ACBD7: variants seen among roughly 807,000 people sequenced by gnomAD.
The protein encoded by ACBD7 is acyl-CoA binding domain containing 7.
A neutral mutation model predicts 13.7 loss-of-function variants in ACBD7; 11 were observed. That is an observed-to-expected ratio of 0.80 (90% CI 0.50 to 1.33). ACBD7 has a LOEUF of 1.33. ACBD7 is among the 40% of genes most tolerant of loss of function. The probability of loss-of-function intolerance (pLI) is 0.00; values close to 1 mark genes in which losing one functional copy is unlikely to be tolerated. For synonymous variants in ACBD7, 43 were observed against 37.7 expected, an observed-to-expected ratio of 1.14 and a Z score of -0.51; for missense variants, 111 against 103.0, an observed-to-expected ratio of 1.08 and a Z score of -0.33.
At chr10:15,079,265 C>CT (rs1267542269) in intron 1 of ACBD7, among the ~76,000 whole-genome samples, 14 of 116,644 alleles carry the variant, frequency 1.2e-4, no homozygotes, top group Non-Finnish European at 2.4e-4. Flanking sequence ...TTCGGTTTAA[C>CT]TTCTTTTTTT....
chr10:15,076,114 T>C lies in ACBD7; in HGVS notation c.*2416A>G. 2.0e-6 allele frequency: 2 copies of C among 985,366 alleles called. No individual in the cohort carries two copies. Among genetic ancestry groups the C allele is most frequent in the Non-Finnish European group, 2.4e-6 (2 of 829,856 alleles). 61.0% of individuals were successfully genotyped at this position (985,366 alleles called of 1,614,324 possible). On this transcript the variant is annotated 3_prime_UTR_variant, in exon 4 of 4. Transcript: ENST00000356189. Reference sequence around the variant, plus strand: ...CTAGCAGACCTAGATAGTTTTGTTGTTGTAGTAACATGAAGTGGATCTATT... The same window carrying C: ...CTAGCAGACCTAGATAGTTTTGTTGCTGTAGTAACATGAAGTGGATCTATT...
At chr10:15,086,005 T>C (rs1259783540) in intron 1 of ACBD7, among the ~76,000 whole-genome samples, 1 of 152,170 alleles carries the variant, frequency 6.6e-6, no homozygotes, top group Non-Finnish European at 1.5e-5. Context: ...TTATTAGTTG[T>C]CATTTTTAAA....
At chr10:15,080,836 A>G (rs1417042755) in intron 1 of ACBD7, among the ~76,000 whole-genome samples, 1 of 152,142 alleles carries the variant, frequency 6.6e-6, no homozygotes, top group Non-Finnish European at 1.5e-5. Flanking sequence ...AGATTTTTAA[A>G]CTAAACTGTG....
intron 1 of ACBD7, 200 bp downstream of exon 1, chr10:15,088,517 G>C (rs4604779): frequency 7.7e-5 from 55 of 714,716 alleles, no homozygotes; most frequent in Non-Finnish European, 1.0e-4. Flanking sequence ...GGTCCGGAAG[G>C]GTTGCCCTGG....
intron 1 of ACBD7, among the ~76,000 whole-genome samples, chr10:15,084,901 C>T (rs11259470): frequency 0.14 from 21,807 of 152,134 alleles, 1,746 homozygotes; most frequent in East Asian, 0.32. Flanking sequence ...GAGTAGCCTC[C>T]GGTCCTTTTA....
rs960305626 is a variant in ACBD7 at position 15,075,888 on chromosome 10, T to G, written c.*2642A>C. Among the ~76,000 whole-genome samples, 20 of 149,226 alleles carry G rather than the reference T, an allele frequency of 1.3e-4. No individual in the cohort carries two copies. The highest frequency in any genetic ancestry group is 4.7e-4 in the African/African-American group (19 of 40,386). On this transcript the variant is annotated 3_prime_UTR_variant, in exon 4 of 4. Coordinates refer to ENST00000356189, the MANE Select transcript of ACBD7 (RefSeq NM_001039844.3). Reference sequence around the variant, plus strand: ...ACTCTGGAGGCTGAGATGGGAGGATTGCTTGACCCTGGGAGGCAGAGGTTG... The same window carrying G: ...ACTCTGGAGGCTGAGATGGGAGGATGGCTTGACCCTGGGAGGCAGAGGTTG...
rs917653001 is a variant in ACBD7 at position 15,077,808 on chromosome 10, G to A, written c.*722C>T. 9 of 151,988 alleles carry A rather than the reference G, an allele frequency of 5.9e-5. No individual in the cohort carries two copies. Among genetic ancestry groups the A allele is most frequent in the African/African-American group, 2.2e-4 (9 of 41,294 alleles). The allele number at this position is 151,988 out of a possible 1,614,324, so 9.4% of individuals were successfully genotyped here. On this transcript the variant is annotated 3_prime_UTR_variant, in exon 4 of 4. Transcript: ENST00000356189. ...GAATCACTTGAACCCAGGAGGCGGA[G>A]GTTGCAGTGAACCGAGATCACACGA...
chr10:15,078,814 A>G, intron 2 of ACBD7, 61 bp from the exon 3 acceptor site: 3 of 1,547,658 alleles, frequency 1.9e-6, no homozygotes, highest in East Asian at 2.3e-5. Flanking sequence ...TTCTATAGAC[A>G]TTGTTCAAAC....
Position 15,078,721 on chromosome 10 carries a change from C to G in ACBD7, c.163G>C (p.Ala55Pro), listed in dbSNP as rs771187147. 6.2e-7 allele frequency: 1 copy of G among 1,613,976 alleles called. No individual in the cohort carries two copies. The highest frequency in any genetic ancestry group is 1.7e-5 in the Admixed American group (1 of 59,982). ...CPGMLDLKGKAKWEAWNLKKG... is the reference protein window; with the variant it reads ...CPGMLDLKGKPKWEAWNLKKG... ...TTGAGGTTCCATGCTTCCCATTTGG[C>G]TTTGCCTTTTAAATCTAGCATTCCT... Residue 55 changes from alanine (A) to proline (P), a missense_variant, in exon 3 of 4, where the codon GCC (alanine) becomes CCC (proline). Ala to Pro is a conservative substitution (Grantham distance 27). Coordinates refer to ENST00000356189, the MANE Select transcript of ACBD7 (RefSeq NM_001039844.3).
At chr10:15,078,867 CAATT>C (rs1479177918) in intron 2 of ACBD7, 52 bp downstream of exon 2, 9 of 1,208,548 alleles carry the variant, frequency 7.4e-6, no homozygotes, top group African/African-American at 4.7e-5. Flanking sequence ...ATTATAATCG[CAATT>C]AATATATTAA....
chr10:15,076,853 T>G lies in ACBD7; in HGVS notation c.*1677A>C. ...TTTTATTTCACCAGTAACATTAACTTATTGTAACAGAACAGATGAGCCAAA... is the reference window on the plus strand; with the variant it reads ...TTTTATTTCACCAGTAACATTAACTGATTGTAACAGAACAGATGAGCCAAA... On this transcript the variant is annotated 3_prime_UTR_variant, in exon 4 of 4. Coordinates refer to ENST00000356189, the MANE Select transcript of ACBD7 (RefSeq NM_001039844.3). 1.0e-6 allele frequency: 1 copy of G among 985,420 alleles called. No individual in the cohort carries two copies. The highest frequency in any genetic ancestry group is 1.2e-6 in the Non-Finnish European group (1 of 829,938). 61.0% of individuals were successfully genotyped at this position (985,420 alleles called of 1,614,324 possible). A position where few individuals can be genotyped will look rare whatever the true frequency, so the allele number is the denominator to read the frequency against.
intron 1 of ACBD7, among the ~76,000 whole-genome samples, chr10:15,087,453 C>T (rs141511566): frequency 2.0e-3 from 305 of 152,220 alleles, no homozygotes; most frequent in Non-Finnish European, 2.7e-3. Flanking sequence ...AAGTGAGCCA[C>T]GTTCTATGAA....
intron 1 of ACBD7, among the ~76,000 whole-genome samples, chr10:15,083,148 CT>C (rs763637147): frequency 3.9e-5 from 6 of 152,240 alleles, no homozygotes; most frequent in Non-Finnish European, 8.8e-5. Flanking sequence ...GGTCCCCGCT[CT>C]TTCTCCCTCC....
Position 15,083,778 on chromosome 10 carries a change from C to T in ACBD7, c.13-4738G>A, listed in dbSNP as rs184566294. Among the ~76,000 whole-genome samples the T allele has an allele frequency of 1.6e-4, 24 of 152,306 alleles. No homozygotes were observed. The East Asian group carries it at 2.1e-3, about 13-fold the overall frequency. On this transcript the variant is annotated intron_variant, in intron 1 of 3. Transcript: ENST00000356189. ...GATTACAGGCGTGAGCCACGATGCC[C>T]GGCCAAGAATGTAAAATATTCTTGA... is the stretch of plus-strand genomic sequence containing the variant.
rs1844683144 is a variant in ACBD7, at chr10:15,076,479, T to C, written c.*2051A>G. On this transcript the variant is annotated 3_prime_UTR_variant, in exon 4 of 4. Coordinates refer to ENST00000356189, the MANE Select transcript of ACBD7 (RefSeq NM_001039844.3). The stretch of plus-strand genomic sequence containing the variant: ...CCTATGGGGGCTTTTTAAATTTCTT[T>C]AAACTGCTATGGACAGACTTGTAAT... 1.0e-6 allele frequency: 1 copy of C among 953,218 alleles called. No homozygotes were observed. Among genetic ancestry groups the C allele is most frequent in the Non-Finnish European group, 1.2e-6 (1 of 801,484 alleles). 59.0% of individuals were successfully genotyped at this position (953,218 alleles called of 1,614,324 possible).
chr10:15,084,864 C>T (rs1844791229), intron 1 of ACBD7, among the ~76,000 whole-genome samples: 1 of 152,218 alleles, frequency 6.6e-6, no homozygotes, highest in Non-Finnish European at 1.5e-5. Flanking sequence ...ATCTGCCACA[C>T]AGAAAGTGGG....
rs937400617 is a variant in ACBD7, at chr10:15,076,279, T to G, written c.*2251A>C. ...ACTGTCTTCTTTCAAAGAGCCTGTGTACCATCCAGAAAGACTGAGTAGGGG... is the reference window on the plus strand; with the variant it reads ...ACTGTCTTCTTTCAAAGAGCCTGTGGACCATCCAGAAAGACTGAGTAGGGG... On this transcript the variant is annotated 3_prime_UTR_variant, in exon 4 of 4. Coordinates refer to ENST00000356189, the MANE Select transcript of ACBD7 (RefSeq NM_001039844.3). 3.0e-6 allele frequency: 3 copies of G among 985,282 alleles called. No homozygotes were observed. The highest frequency in any genetic ancestry group is 1.2e-4 in the Admixed American group (2 of 16,250). 61.0% of individuals were successfully genotyped at this position (985,282 alleles called of 1,614,324 possible).
Position 15,076,689 on chromosome 10 carries a change from A to G in ACBD7, c.*1841T>C, listed in dbSNP as rs1271123771. On this transcript the variant is annotated 3_prime_UTR_variant, in exon 4 of 4. Transcript: ENST00000356189. ...TGGCTAATTTTTGTATTTTTAGTAGAGATGGGGTTTTGCAATGTTGGTCAG... is the reference window on the plus strand; with the variant it reads ...TGGCTAATTTTTGTATTTTTAGTAGGGATGGGGTTTTGCAATGTTGGTCAG... The G allele has an allele frequency of 1.3e-6, 1 of 752,790 alleles. No homozygotes were observed. The highest frequency in any genetic ancestry group is 1.6e-6 in the Non-Finnish European group (1 of 618,118). The allele number at this position is 752,790 out of a possible 1,614,324, so 46.6% of individuals were successfully genotyped here.
chr10:15,087,243 A>G (rs1844820247), intron 1 of ACBD7, among the ~76,000 whole-genome samples: 1 of 152,210 alleles, frequency 6.6e-6, no homozygotes, highest in South Asian at 2.1e-4. Flanking sequence ...CACATGCCAA[A>G]CATTGTTTTA....
Sources: allele counts gnomAD v4.1 joint callset (sites outside exome capture counted in the v4.1 genomes callset), GRCh38; gene constraint gnomAD v4.1.1; transcripts MANE v1.5; gene names NCBI Gene and HGNC (gene_info 2026-07-23, HGNC 2026-07-21).